The following DLG2 variants were observed in gnomAD, a reference collection of about 807,000 sequenced individuals.
DLG2 encodes discs large MAGUK scaffold protein 2, also known as disks large homolog 2.
A neutral mutation model predicts 132.5 loss-of-function variants in DLG2; 45 were observed. The ratio of observed to expected loss-of-function variants is 0.34; its 90% CI spans 0.27 to 0.44. The LOEUF is 0.44. Among genes scored for constraint, DLG2 ranks in the 20% least tolerant of loss-of-function variants. DLG2 has a pLI of 1.00. For synonymous variants in DLG2, 424 were observed against 419.6 expected (o/e 1.01, Z -0.13); for missense variants, 1,045 against 1,196.9 (o/e 0.87, Z 1.87).
chr11:85,416,951 T>C (rs1179764714), intron 3 of DLG2, among the ~76,000 whole-genome samples: 2 of 152,204 alleles, frequency 1.3e-5, no homozygotes, highest in African/African-American at 2.4e-5. Flanking sequence ...TCTTGCCTGA[T>C]TGCCCTGGCC....
At chr11:84,163,415 T>G in intron 9 of DLG2, 46 bp downstream of exon 9, 2 of 1,524,226 alleles carry the variant, frequency 1.3e-6, no homozygotes. Context: ...GAATAGAATG[T>G]GAAATGCAAG....
chr11:85,211,582 TAC>T (rs1194657481), intron 4 of DLG2, among the ~76,000 whole-genome samples: 2 of 152,084 alleles, frequency 1.3e-5, no homozygotes, highest in Non-Finnish European at 2.9e-5. Flanking sequence ...TGCTCAAGAT[TAC>T]ACTGATTGGC....
At chr11:84,104,876 T>C (rs2092796185) in intron 9 of DLG2, among the ~76,000 whole-genome samples, 1 of 152,116 alleles carries the variant, frequency 6.6e-6, no homozygotes, top group African/African-American at 2.4e-5. Context: ...CTAATCTATG[T>C]TTCTTACAAT....
intron 18 of DLG2, among the ~76,000 whole-genome samples, chr11:83,660,033 A>AAGTT (rs777072745): frequency 1.3e-5 from 2 of 152,232 alleles, no homozygotes; most frequent in African/African-American, 2.4e-5. Context: ...TTACAAATAA[A>AAGTT]CGTTGTATAG....
intron 2 of DLG2, among the ~76,000 whole-genome samples, chr11:85,610,214 T>C (rs1277058409): frequency 6.6e-6 from 1 of 152,106 alleles, no homozygotes; most frequent in African/African-American, 2.4e-5. Context: ...TTGTTAAACA[T>C]TTAAAAGCTC....
intron 6 of DLG2, among the ~76,000 whole-genome samples, chr11:84,979,474 G>A (rs917299520): frequency 6.6e-6 from 1 of 152,156 alleles, no homozygotes; most frequent in Non-Finnish European, 1.5e-5. Context: ...ATACTATGCA[G>A]CCATAAAAAA....
chr11:85,027,555 C>T (rs568666824), intron 6 of DLG2, among the ~76,000 whole-genome samples: 109 of 152,268 alleles, frequency 7.2e-4, no homozygotes, highest in African/African-American at 1.9e-3. Context: ...GAGCCAGGCA[C>T]GGAGTGGCAA....
chr11:85,465,097 A>C, intron 3 of DLG2, among the ~76,000 whole-genome samples: 1 of 133,362 alleles, frequency 7.5e-6, no homozygotes, highest in Non-Finnish European at 1.6e-5. Context: ...AAAAAAAAAA[A>C]AAAAAAAAAA....
chr11:85,144,887 T>C (rs915597104), intron 5 of DLG2, among the ~76,000 whole-genome samples: 1 of 152,122 alleles, frequency 6.6e-6, no homozygotes, highest in Admixed American at 6.5e-5. Context: ...GTATTCTGTA[T>C]TTGGCTGTGT....
intron 21 of DLG2, among the ~76,000 whole-genome samples, chr11:83,493,355 CCTTCCTTCCTTCCTTCCTTCCTTCCTT>C (rs2093972002): frequency 1.8e-5 from 1 of 55,648 alleles, no homozygotes; most frequent in Non-Finnish European, 3.8e-5. Context: ...TTCCTTCCTT[CCTTCCTTCCTTCCTTCCTTCCTTCCTT>C]CCTTCCTTCC....
chr11:84,274,958 C>T (rs1433949354), intron 7 of DLG2, among the ~76,000 whole-genome samples: 1 of 152,178 alleles, frequency 6.6e-6, no homozygotes, highest in East Asian at 1.9e-4. Flanking sequence ...GCATTGTCGA[C>T]CAGCCAGCCC....
At chr11:84,085,814 C>G (rs1324362916) in intron 10 of DLG2, among the ~76,000 whole-genome samples, 1 of 152,216 alleles carries the variant, frequency 6.6e-6, no homozygotes, top group Non-Finnish European at 1.5e-5. Flanking sequence ...ACATCTATGT[C>G]TCAGCAATCC....
chr11:85,353,393 G>A (rs562973072), intron 3 of DLG2, among the ~76,000 whole-genome samples: 1 of 152,290 alleles, frequency 6.6e-6, no homozygotes, highest in South Asian at 2.1e-4. Context: ...GTTGGTGGGA[G>A]TGTAAACTAG....
intron 3 of DLG2, among the ~76,000 whole-genome samples, chr11:85,505,122 T>C (rs1374050597): frequency 5.3e-5 from 8 of 152,194 alleles, no homozygotes; most frequent in African/African-American, 1.9e-4. Flanking sequence ...GATTTTGGGC[T>C]GAGACAATGG....
At chr11:85,568,455 C>T (rs1220909349) in intron 3 of DLG2, among the ~76,000 whole-genome samples, 2 of 152,128 alleles carry the variant, frequency 1.3e-5, no homozygotes, top group Non-Finnish European at 2.9e-5. Context: ...AGACAGTATT[C>T]TCCCCTCCTC....
intron 6 of DLG2, among the ~76,000 whole-genome samples, chr11:84,635,019 G>A (rs1186761345): frequency 6.6e-6 from 1 of 152,162 alleles, no homozygotes; most frequent in East Asian, 1.9e-4. Flanking sequence ...TGGAGGAGAG[G>A]ATGACAACAG....
rs756192302 is a variant in DLG2, at chr11:83,684,042, T to C, written c.1826-50717A>G. 1.1e-3 allele frequency among the ~76,000 whole-genome samples: 169 copies of C among 152,228 alleles called. 2 individuals carry two copies. The highest frequency in any genetic ancestry group is 1.9e-3 in the Non-Finnish European group (129 of 68,010). On this transcript the variant is annotated intron_variant, in intron 18 of 27. Coordinates refer to ENST00000376104, the MANE Select transcript of DLG2 (RefSeq NM_001142699.3). ...GAGACCATCTTGGCTTCTCTCACCC[T>C]TTTCAAACAAGCTCCTACCACAAAA...
At chr11:84,818,667 T>C (rs1400989429) in intron 6 of DLG2, among the ~76,000 whole-genome samples, 1 of 151,920 alleles carries the variant, frequency 6.6e-6, no homozygotes, top group Non-Finnish European at 1.5e-5. Flanking sequence ...CTATGCCAAG[T>C]TATAGAAAGC....
intron 7 of DLG2, among the ~76,000 whole-genome samples, chr11:84,497,837 C>A (rs369444263): frequency 1.3e-5 from 2 of 152,132 alleles, no homozygotes; most frequent in Non-Finnish European, 2.9e-5. Context: ...TCCGCATTAC[C>A]TTGATCTGAC....
Sources: allele counts gnomAD v4.1 joint callset (sites outside exome capture counted in the v4.1 genomes callset), GRCh38; gene constraint gnomAD v4.1.1; transcripts MANE v1.5; gene names NCBI Gene and HGNC (gene_info 2026-07-23, HGNC 2026-07-21).